DENND2A: variants seen among roughly 807,000 people sequenced by gnomAD.
DENND2A encodes DENN domain-containing protein 2A.
A neutral mutation model predicts 105.3 loss-of-function variants in DENND2A; 53 were observed. That is an observed-to-expected ratio of 0.50 (90% CI 0.40 to 0.63). DENND2A has a LOEUF of 0.63. Among genes scored for constraint, DENND2A ranks in the 30% least tolerant of loss-of-function variants. The pLI is 0.00. For synonymous variants in DENND2A, 522 were observed against 508.4 expected (o/e 1.03, Z -0.36); for missense variants, 1,138 against 1,279.6 (o/e 0.89, Z 1.69).
At position 140,601,559 on chromosome 7, in the gene DENND2A, T is replaced by A. The variant is rs768248304; in HGVS notation, c.839A>T (p.Asp280Val). The part of the protein sequence containing the change: ...RRTFKHAGEG[D>V]KDGKPGIGFR... ...GCCGATGCCAGGCTTCCCATCTTTG[T>A]CCCCTTCTCCGGCATGTTTGAACGT... Residue 280 changes from aspartate (D) to valine (V), a missense_variant, in exon 3 of 20, where the codon GAC (aspartate) becomes GTC (valine). This residue lies in a region of DENND2A where 511 missense variants were observed against 499.9 expected (regional missense o/e 1.02). Transcript: ENST00000496613. 1 of 1,614,156 alleles carries A rather than the reference T, an allele frequency of 6.2e-7. No individual in the cohort carries two copies. The highest frequency in any genetic ancestry group is 8.5e-7 in the Non-Finnish European group (1 of 1,180,018).
At chr7:140,637,644 G>T (rs1391742961) in intron 1 of DENND2A, among the ~76,000 whole-genome samples, 1 of 152,156 alleles carries the variant, frequency 6.6e-6, no homozygotes, top group African/African-American at 2.4e-5. Flanking sequence ...GAATGACCAG[G>T]ACCGCCCTGG....
intron 1 of DENND2A, among the ~76,000 whole-genome samples, chr7:140,622,653 A>T (rs758633617): frequency 1.3e-5 from 2 of 152,182 alleles, no homozygotes; most frequent in Non-Finnish European, 2.9e-5. Flanking sequence ...CCCAGGTCCA[A>T]GAGACAATTC....
At chr7:140,590,395 A>C (rs1164657671) in intron 3 of DENND2A, among the ~76,000 whole-genome samples, 1 of 152,096 alleles carries the variant, frequency 6.6e-6, no homozygotes, top group Non-Finnish European at 1.5e-5. Flanking sequence ...CAAAAAATAC[A>C]TACATACATA....
chr7:140,600,033 G>A (rs1215677257), intron 3 of DENND2A, among the ~76,000 whole-genome samples: 3 of 152,028 alleles, frequency 2.0e-5, no homozygotes, highest in African/African-American at 7.2e-5. Flanking sequence ...CAAAGGACCT[G>A]GTGATGAATT....
chr7:140,582,313 C>T (rs56239414), intron 5 of DENND2A, among the ~76,000 whole-genome samples: 2,123 of 152,170 alleles, frequency 0.014, 28 homozygotes, highest in Middle Eastern at 0.027. Context: ...GTTCACTCCC[C>T]GCATGAAGTG....
chr7:140,615,801 C>G (rs889658224), intron 1 of DENND2A, among the ~76,000 whole-genome samples: 1 of 151,690 alleles, frequency 6.6e-6, no homozygotes. Context: ...GATCCACACA[C>G]CTTGGCCTCC....
At chr7:140,578,497 CACAA>C (rs1798400656) in intron 5 of DENND2A, among the ~76,000 whole-genome samples, 1 of 152,188 alleles carries the variant, frequency 6.6e-6, no homozygotes, top group South Asian at 2.1e-4. Flanking sequence ...CTGTCATTCA[CACAA>C]ACATACATAT....
chr7:140,554,614 T>A (rs542536216), intron 12 of DENND2A, among the ~76,000 whole-genome samples: 96 of 152,146 alleles, frequency 6.3e-4, no homozygotes, highest in Non-Finnish European at 1.1e-3. Context: ...CCGGCCTGGG[T>A]GATAGAGTGA....
chr7:140,535,036 T>G (rs1039927751), intron 14 of DENND2A, among the ~76,000 whole-genome samples: 12 of 152,106 alleles, frequency 7.9e-5, no homozygotes, highest in African/African-American at 2.9e-4. Context: ...GGAGCCAACT[T>G]TTTAGTTCTG....
At position 140,585,663 on chromosome 7, in the gene DENND2A, G is replaced by A; in HGVS notation, c.1171C>T (p.Arg391Cys). 1 of 1,614,176 alleles carries A rather than the reference G, an allele frequency of 6.2e-7. No individual in the cohort carries two copies. Among genetic ancestry groups the A allele is most frequent in the Non-Finnish European group, 8.5e-7 (1 of 1,180,036 alleles). ...NPYEDIELHG[R>C]CLGKKCVLNF... The stretch of plus-strand genomic sequence containing the variant: ...AAGACACACTTCTTTCCCAGGCAGC[G>A]ACCATGTAACTCGATGTCCTCATAA... The change falls in exon 5 of 20, where the codon CGC (arginine) becomes TGC (cysteine). Residue 391 changes from arginine to cysteine, a missense_variant. Transcript: ENST00000496613.
chr7:140,543,215 C>T (rs1393780405), intron 14 of DENND2A, among the ~76,000 whole-genome samples: 1 of 150,446 alleles, frequency 6.6e-6, no homozygotes. Context: ...AACTTCTGGG[C>T]TCAAGTGATC....
At chr7:140,528,352 G>C (rs1425097722) in intron 14 of DENND2A, among the ~76,000 whole-genome samples, 1 of 152,150 alleles carries the variant, frequency 6.6e-6, no homozygotes, top group Non-Finnish European at 1.5e-5. Flanking sequence ...TAGGAAATCC[G>C]GGAAAAGGAC....
chr7:140,629,008 A>C (rs1290958392), intron 1 of DENND2A, among the ~76,000 whole-genome samples: 1 of 152,230 alleles, frequency 6.6e-6, no homozygotes, highest in Non-Finnish European at 1.5e-5. Flanking sequence ...AAACCCTATC[A>C]ACCAAATGGC....
At chr7:140,622,288 C>T (rs1236908756) in intron 1 of DENND2A, among the ~76,000 whole-genome samples, 1 of 151,816 alleles carries the variant, frequency 6.6e-6, no homozygotes, top group East Asian at 1.9e-4. Context: ...CTCAGCTACT[C>T]GGGAGGCTGA....
chr7:140,636,882 A>T (rs1800957639), intron 1 of DENND2A, among the ~76,000 whole-genome samples: 1 of 151,776 alleles, frequency 6.6e-6, no homozygotes, highest in Non-Finnish European at 1.5e-5. Flanking sequence ...TATTTTTGAG[A>T]TGGAGTCTTG....
chr7:140,562,188 C>T (rs114777084), intron 9 of DENND2A, among the ~76,000 whole-genome samples: 38 of 152,070 alleles, frequency 2.5e-4, no homozygotes, highest in African/African-American at 8.9e-4. Flanking sequence ...GCGCCCGGCC[C>T]GAGCTCCACT....
At chr7:140,553,063 A>C (rs1797203347) in intron 12 of DENND2A, among the ~76,000 whole-genome samples, 1 of 152,146 alleles carries the variant, frequency 6.6e-6, no homozygotes, top group South Asian at 2.1e-4. Flanking sequence ...AAAAAGACAC[A>C]GAGACAAAGT....
At position 140,601,630 on chromosome 7, in the gene DENND2A, A is replaced by G. The variant is rs768001423; in HGVS notation, c.768T>C (p.Gly256=). ...SLENVYRGSE[G]SPTKPFINPL... is the part of the protein sequence containing the mutation. ...GGTTGATGAAGGGCTTTGTGGGGGA[A>G]CCCTCCGAGCCCCTATACACGTTCT... The change falls in exon 3 of 20, where the codon GGT becomes GGC. Residue 256 remains glycine (G), a synonymous_variant. Coordinates refer to ENST00000496613, the MANE Select transcript of DENND2A (RefSeq NM_015689.5). The G allele has an allele frequency of 6.2e-7, 1 of 1,611,006 alleles. No homozygotes were observed. The highest frequency in any genetic ancestry group is 8.5e-7 in the Non-Finnish European group (1 of 1,178,842).
At chr7:140,521,325 G>C (rs1318544287) in intron 18 of DENND2A, among the ~76,000 whole-genome samples, 1 of 151,866 alleles carries the variant, frequency 6.6e-6, no homozygotes, top group Non-Finnish European at 1.5e-5. Flanking sequence ...CCAGGCTGGA[G>C]TGCAGTGACA....
Sources: allele counts gnomAD v4.1 joint callset (sites outside exome capture counted in the v4.1 genomes callset), GRCh38; gene constraint gnomAD v4.1.1; regional missense constraint gnomAD v4.1.1; transcripts MANE v1.5; gene names NCBI Gene and HGNC (gene_info 2026-07-23, HGNC 2026-07-21).